The following GNB1 variants were observed in gnomAD, a reference collection of about 807,000 sequenced individuals.
GNB1 encodes guanine nucleotide-binding protein G(I)/G(S)/G(T) subunit beta-1.
A neutral mutation model predicts 42.9 loss-of-function variants in GNB1; 2 were observed. The ratio of observed to expected loss-of-function variants is 0.05; its 90% CI spans 0.02 to 0.15. The LOEUF (loss-of-function observed/expected upper bound fraction) is 0.15, where lower values mean the gene tolerates loss of function less well. Among genes scored for constraint, GNB1 ranks in the 10% least tolerant of loss-of-function variants. GNB1 has a pLI of 1.00. For synonymous variants in GNB1, 183 were observed against 174.7 expected, an observed-to-expected ratio of 1.05 and a Z score of -0.38; for missense variants, 193 against 462.2, an observed-to-expected ratio of 0.42 and a Z score of 5.34.
intron 6 of GNB1, among the ~76,000 whole-genome samples, chr1:1,805,777 G>A (rs373566056): frequency 1.3e-5 from 2 of 152,082 alleles, no homozygotes; most frequent in East Asian, 3.9e-4. Flanking sequence ...CCTGACCTCA[G>A]GTGATCCACC....
chr1:1,797,867 A>T (rs1051417690), intron 7 of GNB1, among the ~76,000 whole-genome samples: 10 of 152,212 alleles, frequency 6.6e-5, no homozygotes, highest in African/African-American at 2.4e-4. Flanking sequence ...GACACACTGA[A>T]AGGCAGGCGG....
intron 2 of GNB1, among the ~76,000 whole-genome samples, chr1:1,831,108 T>C (rs536610205): frequency 1.3e-5 from 2 of 152,120 alleles, no homozygotes; most frequent in African/African-American, 4.8e-5. Flanking sequence ...GAGGCTGCAG[T>C]GAGCAGAGAT....
At chr1:1,801,281 G>T (rs1275717610) in intron 7 of GNB1, among the ~76,000 whole-genome samples, 1 of 152,182 alleles carries the variant, frequency 6.6e-6, no homozygotes, top group Non-Finnish European at 1.5e-5. Flanking sequence ...GCTTGCCTCG[G>T]CCTCCCAAAG....
At chr1:1,797,280 G>A (rs1646559385) in intron 7 of GNB1, among the ~76,000 whole-genome samples, 1 of 152,162 alleles carries the variant, frequency 6.6e-6, no homozygotes, top group Non-Finnish European at 1.5e-5. Context: ...ACCACACCAT[G>A]AAACTCTCTA....
In GNB1 at chr1:1,787,559, G is replaced by T; in HGVS notation, c.917-122C>A. 1 of 593,094 alleles carries T rather than the reference G, an allele frequency of 1.7e-6. No homozygotes were observed. The highest frequency in any genetic ancestry group is 2.1e-5 in the South Asian group (1 of 46,762). 36.7% of individuals were successfully genotyped at this position (593,094 alleles called of 1,614,324 possible). ...GGGACAAGACCCAGAGTCTCCCACG[G>T]CCAGGAAGGGAGGGAAAGTTGCATC... On this transcript the variant is annotated intron_variant, in intron 10 of 11. Coordinates refer to ENST00000378609, the MANE Select transcript of GNB1 (RefSeq NM_002074.5). This position sits in a 1 kb window ranked among gnomAD's most constrained non-coding sequence, Gnocchi z 4.4.
intron 1 of GNB1, among the ~76,000 whole-genome samples, chr1:1,860,918 A>G (rs1015396363): frequency 6.6e-6 from 1 of 151,720 alleles, no homozygotes; most frequent in Non-Finnish European, 1.5e-5. Flanking sequence ...GACCCGCCTG[A>G]CCAACATGGC....
chr1:1,796,925 T>C (rs541652656), intron 7 of GNB1, among the ~76,000 whole-genome samples: 1 of 152,136 alleles, frequency 6.6e-6, no homozygotes, highest in African/African-American at 2.4e-5. Context: ...AGTGGAAGCG[T>C]AGGAGAAAGA....
intron 7 of GNB1, among the ~76,000 whole-genome samples, chr1:1,796,114 T>TG (rs1646543063): frequency 1.3e-5 from 2 of 152,214 alleles, no homozygotes; most frequent in African/African-American, 4.8e-5. Context: ...TTACATGAGA[T>TG]GTTCAACTTT....
chr1:1,804,838 G>A (rs1010545292), intron 6 of GNB1, among the ~76,000 whole-genome samples: 2 of 152,232 alleles, frequency 1.3e-5, no homozygotes, highest in African/African-American at 2.4e-5. Flanking sequence ...ATTAGGTGGA[G>A]TCTTAACAGT....
At chr1:1,887,731 T>C (rs1219877139) in intron 1 of GNB1, among the ~76,000 whole-genome samples, 2 of 152,202 alleles carry the variant, frequency 1.3e-5, no homozygotes, top group Non-Finnish European at 2.9e-5. Context: ...TTCCCGTGCC[T>C]AAACCTCCCG....
chr1:1,870,014 C>T (rs995982972), intron 1 of GNB1, among the ~76,000 whole-genome samples: 1 of 152,164 alleles, frequency 6.6e-6, no homozygotes, highest in Non-Finnish European at 1.5e-5. Context: ...AGGCACCCGC[C>T]ACCATGCTCA....
chr1:1,835,718 T>C (rs1647137391), intron 2 of GNB1, among the ~76,000 whole-genome samples: 1 of 152,068 alleles, frequency 6.6e-6, no homozygotes, highest in Admixed American at 6.6e-5. Flanking sequence ...TTCACTTCTC[T>C]TGGGCAGATT....
intron 2 of GNB1, among the ~76,000 whole-genome samples, chr1:1,833,439 T>C (rs950720857): frequency 6.6e-6 from 1 of 151,734 alleles, no homozygotes; most frequent in Non-Finnish European, 1.5e-5. Flanking sequence ...AACAATACTG[T>C]GAGGAATAAG....
intron 2 of GNB1, among the ~76,000 whole-genome samples, chr1:1,838,556 T>C (rs1647182144): frequency 6.6e-6 from 1 of 151,894 alleles, no homozygotes; most frequent in Admixed American, 6.6e-5. Flanking sequence ...ATCATTCTCC[T>C]GACTCAGCCT....
chr1:1,855,743 C>CACT (rs1021018585), intron 1 of GNB1, among the ~76,000 whole-genome samples: 2 of 151,996 alleles, frequency 1.3e-5, no homozygotes, highest in Non-Finnish European at 2.9e-5. Flanking sequence ...AAGGAAAAAA[C>CACT]ACTAAGTCAC....
chr1:1,836,808 C>G (rs994612866), intron 2 of GNB1, among the ~76,000 whole-genome samples: 14 of 151,970 alleles, frequency 9.2e-5, no homozygotes, highest in African/African-American at 3.4e-4. Context: ...GCCTGGGCCT[C>G]CCAAAGTGCT....
rs1646396898 is a variant in GNB1 at position 1,785,749 on chromosome 1, C to T, written c.*1314G>A. 4 of 347,632 alleles carry T rather than the reference C, an allele frequency of 1.2e-5. No individual in the cohort carries two copies. Among genetic ancestry groups the T allele is most frequent in the Non-Finnish European group, 2.0e-5 (4 of 195,838 alleles). 21.5% of individuals were successfully genotyped at this position (347,632 alleles called of 1,614,324 possible). On this transcript the variant is annotated 3_prime_UTR_variant, in exon 12 of 12. Transcript: ENST00000378609. ...GGCAGGCTCTTCACTCCCTCTCCCT[C>T]CCTCTCTCTCCCTCCCCACCCTCAG...
At chr1:1,828,972 A>C (rs1186864166) in intron 2 of GNB1, among the ~76,000 whole-genome samples, 3 of 152,208 alleles carry the variant, frequency 2.0e-5, no homozygotes, top group Non-Finnish European at 4.4e-5. Context: ...CCACACATAG[A>C]AGTGATAAGA....
chr1:1,883,289 A>AG (rs1167898572), intron 1 of GNB1, among the ~76,000 whole-genome samples: 5 of 151,840 alleles, frequency 3.3e-5, no homozygotes, highest in Admixed American at 6.6e-5. Context: ...AAAAAAAAAA[A>AG]AAAAAGAAAA....
Sources: gnomAD v4.1 joint callset for allele counts (sites outside exome capture counted in the v4.1 genomes callset) on GRCh38, gnomAD v4.1.1 for gene constraint, Gnocchi (gnomAD v3.1) non-coding constraint, MANE v1.5 for transcripts, NCBI Gene and HGNC (gene_info 2026-07-23, HGNC 2026-07-21) for gene names.